Variants in NTM observed in about 807,000 individuals in gnomAD.
NTM encodes neurotrimin, also known as IgLON family member 2.
NTM carries 13 observed loss-of-function variants against 42.1 expected under a neutral mutation model. The ratio of observed to expected loss-of-function variants is 0.31; its 90% confidence interval spans 0.20 to 0.49. The LOEUF (loss-of-function observed/expected upper bound fraction) is 0.49, where lower values mean the gene tolerates loss of function less well. NTM is among the 20% of genes least tolerant of loss of function. NTM has a pLI of 0.99. For synonymous variants in NTM, 187 were observed against 179.2 expected, an observed-to-expected ratio of 1.04 and a Z score of -0.35; for missense variants, 373 against 452.8, an observed-to-expected ratio of 0.82 and a Z score of 1.60.
intron 1 of NTM, among the ~76,000 whole-genome samples, chr11:131,414,000 CT>C (rs1055314269): frequency 4.6e-4 from 70 of 152,246 alleles, no homozygotes; most frequent in Middle Eastern, 3.4e-3. Flanking sequence ...CAGCTTGACC[CT>C]AACTAGCTAT....
At chr11:131,647,322 A>T (rs1174658956) in intron 1 of NTM, among the ~76,000 whole-genome samples, 1 of 152,206 alleles carries the variant, frequency 6.6e-6, no homozygotes, top group Non-Finnish European at 1.5e-5. Flanking sequence ...AGCTGCGCGG[A>T]TGGACATCAA....
intron 2 of NTM, among the ~76,000 whole-genome samples, chr11:132,108,274 A>G (rs1041430287): frequency 6.6e-6 from 1 of 152,216 alleles, no homozygotes; most frequent in African/African-American, 2.4e-5. Context: ...CAATAGCTGC[A>G]TGAGCCTCCT....
chr11:131,626,824 A>G (rs1454565231), intron 1 of NTM, among the ~76,000 whole-genome samples: 3 of 152,220 alleles, frequency 2.0e-5, no homozygotes, highest in Non-Finnish European at 4.4e-5. Context: ...GTGCCAAGAA[A>G]GCAAAAACTA....
chr11:131,795,794 T>G (rs2091486473), intron 1 of NTM: 1 of 984,356 alleles, frequency 1.0e-6, no homozygotes, highest in South Asian at 4.7e-5. Flanking sequence ...GGTTGGGGGG[T>G]GGTGGGAGCA....
At chr11:131,666,073 G>T (rs2068990286) in intron 1 of NTM, among the ~76,000 whole-genome samples, 1 of 152,206 alleles carries the variant, frequency 6.6e-6, no homozygotes, top group African/African-American at 2.4e-5. Context: ...ATTCACTAAA[G>T]TCACTGCATC....
intron 1 of NTM, among the ~76,000 whole-genome samples, chr11:131,882,876 G>GTT (rs141967247): frequency 2.0e-5 from 3 of 151,144 alleles, no homozygotes; most frequent in South Asian, 2.1e-4. Context: ...CTACTTCACT[G>GTT]TTTTTTTTTC....
At chr11:131,462,819 C>A (rs996673332) in intron 1 of NTM, among the ~76,000 whole-genome samples, 1 of 151,726 alleles carries the variant, frequency 6.6e-6, no homozygotes, top group Admixed American at 6.6e-5. Flanking sequence ...AGCAGGCCCA[C>A]CTAGGGTGGT....
chr11:132,095,503 G>T (rs2060863029), intron 2 of NTM, among the ~76,000 whole-genome samples: 1 of 152,178 alleles, frequency 6.6e-6, no homozygotes, highest in Non-Finnish European at 1.5e-5. Context: ...AAACAGACTT[G>T]AAAGCCCTGA....
intron 1 of NTM, among the ~76,000 whole-genome samples, chr11:131,718,866 T>C (rs1259943096): frequency 6.6e-6 from 1 of 152,164 alleles, no homozygotes; most frequent in African/African-American, 2.4e-5. Flanking sequence ...AATGCTGTGC[T>C]CCTCTCGTTT....
intron 1 of NTM, among the ~76,000 whole-genome samples, chr11:131,786,024 C>A (rs1428852253): frequency 6.6e-6 from 1 of 152,148 alleles, no homozygotes; most frequent in Non-Finnish European, 1.5e-5. Flanking sequence ...AGGAGACAGA[C>A]AGAAGGCTAT....
intron 1 of NTM, among the ~76,000 whole-genome samples, chr11:131,414,367 G>A (rs1946733035): frequency 6.6e-6 from 1 of 152,180 alleles, no homozygotes; most frequent in Non-Finnish European, 1.5e-5. Context: ...CCTGCCCATT[G>A]CTGAGCTTAC....
intron 4 of NTM, among the ~76,000 whole-genome samples, chr11:132,298,192 T>C (rs1214556080): frequency 1.3e-5 from 2 of 152,158 alleles, no homozygotes; most frequent in African/African-American, 2.4e-5. Flanking sequence ...ATATCTCCAG[T>C]GATTTAGAAA....
At chr11:132,129,798 A>G (rs2066502312) in intron 2 of NTM, among the ~76,000 whole-genome samples, 1 of 152,230 alleles carries the variant, frequency 6.6e-6, no homozygotes, top group Non-Finnish European at 1.5e-5. Context: ...GAGGTACCAA[A>G]TGGATACAGC....
chr11:131,987,542 A>G (rs1224781814), intron 2 of NTM, among the ~76,000 whole-genome samples: 1 of 152,208 alleles, frequency 6.6e-6, no homozygotes, highest in Admixed American at 6.5e-5. Context: ...CTTTGCTTTT[A>G]GGCACATTAC....
intron 2 of NTM, among the ~76,000 whole-genome samples, chr11:132,078,168 T>A (rs1468008833): frequency 2.0e-5 from 3 of 152,214 alleles, no homozygotes; most frequent in African/African-American, 7.2e-5. Flanking sequence ...ATGTTTGTTC[T>A]CCCCAGTAAA....
intron 1 of NTM, among the ~76,000 whole-genome samples, chr11:131,875,557 A>G (rs1011214189): frequency 8.5e-5 from 13 of 152,246 alleles, no homozygotes; most frequent in African/African-American, 3.1e-4. Flanking sequence ...GTTAAAAAGA[A>G]AAAAGAAAGC....
chr11:131,713,359 G>A (rs1592670556), intron 1 of NTM, among the ~76,000 whole-genome samples: 1 of 152,172 alleles, frequency 6.6e-6, no homozygotes, highest in African/African-American at 2.4e-5. Flanking sequence ...TTTCCTTTTT[G>A]TCTTCTTCCT....
chr11:132,027,487 C>T (rs1157861094), intron 2 of NTM, among the ~76,000 whole-genome samples: 3 of 152,200 alleles, frequency 2.0e-5, no homozygotes, highest in Non-Finnish European at 4.4e-5. Flanking sequence ...TTCTCTTTCA[C>T]CTTTGACGAA....
chr11:131,973,208 G>T (rs1329149129), intron 2 of NTM, among the ~76,000 whole-genome samples: 2 of 152,166 alleles, frequency 1.3e-5, no homozygotes, highest in East Asian at 3.9e-4. Flanking sequence ...ACAGTCAGAT[G>T]TCATATCACC....
Sources: allele counts gnomAD v4.1 joint callset (sites outside exome capture counted in the v4.1 genomes callset), GRCh38; gene constraint gnomAD v4.1.1; transcripts MANE v1.5; gene names NCBI Gene and HGNC (gene_info 2026-07-23, HGNC 2026-07-21).